ZFHX3: variants seen among roughly 807,000 people sequenced by gnomAD.
ZFHX3 encodes the protein zinc finger homeobox 3.
ZFHX3 carries 42 observed loss-of-function variants against 279.1 expected under a neutral mutation model. The ratio of observed to expected loss-of-function variants is 0.15; its 90% CI spans 0.12 to 0.19. The LOEUF is 0.19. Among genes scored for constraint, ZFHX3 ranks in the 10% least tolerant of loss-of-function variants. The pLI is 1.00. For synonymous variants in ZFHX3, 2,293 were observed against 1,957.8 expected (o/e 1.17, Z -4.52); for missense variants, 4,981 against 4,754.0 (o/e 1.05, Z -1.40).
intron 4 of ZFHX3, among the ~76,000 whole-genome samples, chr16:72,855,715 C>T (rs1463298556): frequency 1.3e-5 from 2 of 152,210 alleles, no homozygotes; most frequent in South Asian, 2.1e-4. Flanking sequence ...ATAATGCTCG[C>T]GCCAGAGAAA....
chr16:73,820,444 C>A (rs1450718502), intron 1 of ZFHX3, among the ~76,000 whole-genome samples: 1 of 152,056 alleles, frequency 6.6e-6, no homozygotes, highest in East Asian at 1.9e-4. Context: ...GGAACATTGC[C>A]TCTCAGAACC....
At chr16:73,123,126 G>C (rs1966520298) in intron 7 of ZFHX3, among the ~76,000 whole-genome samples, 1 of 150,906 alleles carries the variant, frequency 6.6e-6, no homozygotes, top group African/African-American at 2.4e-5. Context: ...TTGCTTTTCT[G>C]ACTTGGGTTA....
chr16:72,971,610 G>A (rs1207806759), intron 1 of ZFHX3, among the ~76,000 whole-genome samples: 1 of 152,146 alleles, frequency 6.6e-6, no homozygotes, highest in East Asian at 1.9e-4. Flanking sequence ...TAGAGTTGCT[G>A]ACTCAAATGC....
intron 2 of ZFHX3, among the ~76,000 whole-genome samples, chr16:73,563,170 T>TGTG (rs1491136680): frequency 3.0e-5 from 4 of 134,926 alleles, no homozygotes; most frequent in African/African-American, 1.2e-4. Context: ...TTTTGTTTTG[T>TGTG]TGTGTGTGTG....
intron 5 of ZFHX3, among the ~76,000 whole-genome samples, chr16:73,182,940 C>T (rs2144880447): frequency 6.6e-6 from 1 of 152,304 alleles, no homozygotes; most frequent in Middle Eastern, 3.4e-3. Flanking sequence ...CGTGGTGGCT[C>T]ACGCCTGTAA....
intron 1 of ZFHX3, chr16:73,812,731 G>A (rs1218163587): frequency 6.6e-6 from 1 of 152,206 alleles, no homozygotes; most frequent in Admixed American, 6.5e-5. Flanking sequence ...CAGAAAAACA[G>A]CTCAATAGAT....
chr16:73,445,363 T>G (rs907508660), intron 3 of ZFHX3, among the ~76,000 whole-genome samples: 3 of 151,770 alleles, frequency 2.0e-5, no homozygotes, highest in African/African-American at 7.3e-5. Context: ...TTTCCCAGTT[T>G]TATTGACCAA....
intron 3 of ZFHX3, among the ~76,000 whole-genome samples, chr16:73,368,106 A>T (rs1022890835): frequency 3.3e-5 from 5 of 152,104 alleles, no homozygotes; most frequent in African/African-American, 1.2e-4. Context: ...CCTGACCTCA[A>T]GTGATCCACC....
chr16:73,549,764 A>C (rs1170137615), intron 2 of ZFHX3, among the ~76,000 whole-genome samples: 1 of 152,174 alleles, frequency 6.6e-6, no homozygotes, highest in Non-Finnish European at 1.5e-5. Context: ...CTTAAATCTG[A>C]GCAGAAAATA....
At chr16:73,606,369 C>T (rs1278564193) in intron 2 of ZFHX3, among the ~76,000 whole-genome samples, 3 of 151,292 alleles carry the variant, frequency 2.0e-5, no homozygotes, top group African/African-American at 7.3e-5. Flanking sequence ...ACCTGTAATC[C>T]CAGCTACTCA....
intron 4 of ZFHX3, among the ~76,000 whole-genome samples, chr16:73,260,694 T>G (rs2013797947): frequency 7.1e-6 from 1 of 140,288 alleles, no homozygotes; most frequent in Non-Finnish European, 1.5e-5. Flanking sequence ...TTTTTTTTTT[T>G]TTTTTTTTTT....
intron 3 of ZFHX3, among the ~76,000 whole-genome samples, chr16:73,368,431 C>T (rs4888152): frequency 0.74 from 111,865 of 152,084 alleles, 43,996 homozygotes; most frequent in Non-Finnish European, 0.9. Flanking sequence ...GTGGTGAGCT[C>T]TTTTTCTAGG....
chr16:73,510,477 A>G (rs765165694), intron 2 of ZFHX3, among the ~76,000 whole-genome samples: 1 of 152,220 alleles, frequency 6.6e-6, no homozygotes, highest in Non-Finnish European at 1.5e-5. Context: ...ATCAAATCAC[A>G]TATCCTAATT....
chr16:73,534,758 T>C (rs904241407), intron 2 of ZFHX3, among the ~76,000 whole-genome samples: 2 of 152,170 alleles, frequency 1.3e-5, no homozygotes, highest in Non-Finnish European at 1.5e-5. Context: ...AGTTGCCAAA[T>C]TGTGTGTCTG....
rs2015323328 is a variant in ZFHX3, at chr16:73,311,453, G to GGTGTC, written c.-1194+6786_-1194+6787insGACAC. On this transcript the variant is annotated intron_variant, in intron 4 of 17. Coordinates refer to the ZFHX3 transcript ENST00000641206. ...CTACTAAAAATACAAAAATTAGCCA[G>GGTGTC]GTGGCAGACGCTTGTAATCCCAGCT... 5.1e-4 allele frequency among the ~76,000 whole-genome samples: 4 copies of GGTGTC among 7,882 alleles called. No individual in the cohort carries two copies. The South Asian group carries it at 0.011, about 21-fold the overall frequency. The allele number at this position is 7,882 out of a possible 152,430, so 5.2% of individuals were successfully genotyped here. A position where few individuals can be genotyped will look rare whatever the true frequency, so the allele number is the denominator to read the frequency against.
At chr16:73,715,092 G>A (rs558845527) in intron 1 of ZFHX3, among the ~76,000 whole-genome samples, 5 of 152,044 alleles carry the variant, frequency 3.3e-5, no homozygotes, top group African/African-American at 1.2e-4. Context: ...CTGCCTGCTC[G>A]GGTCAAGCTG....
Position 73,780,111 on chromosome 16 carries a change from A to AT in ZFHX3, c.-1607-99872dup, listed in dbSNP as rs762134796. Among the ~76,000 whole-genome samples, 18 of 33,168 alleles carry AT rather than the reference A, an allele frequency of 5.4e-4. 9 individuals are homozygous for AT. The highest frequency in any genetic ancestry group is 3.9e-3 in the East Asian group (4 of 1,018). 21.8% of individuals were successfully genotyped at this position (33,168 alleles called of 152,430 possible). A position where few individuals can be genotyped will look rare whatever the true frequency, so the allele number is the denominator to read the frequency against. ...AACCAGCAAAACTCACTGCATTTGA[A>AT]TTTTTTTTTTTTTTTTTTTTTTTTT... On this transcript the variant is annotated intron_variant, in intron 1 of 17. Coordinates refer to the ZFHX3 transcript ENST00000641206.
At position 72,786,368 on chromosome 16, in the gene ZFHX3, T is replaced by C. The variant is rs991634953; in HGVS notation, c.*796A>G. ...AGAAAGTCAGTTTTTAAAACTTATT[T>C]TTTTTAAGCTACAAGTCCTCAACAC... is the stretch of plus-strand genomic sequence containing the variant. On this transcript the variant is annotated 3_prime_UTR_variant, in exon 10 of 10. Coordinates refer to ENST00000268489, the MANE Select transcript of ZFHX3 (RefSeq NM_006885.4). 4 of 152,388 alleles carry C rather than the reference T, an allele frequency of 2.6e-5. No homozygotes were observed. The highest frequency in any genetic ancestry group is 2.0e-4 in the Admixed American group (3 of 15,262). The allele number at this position is 152,388 out of a possible 1,614,324, so 9.4% of individuals were successfully genotyped here. A position where few individuals can be genotyped will look rare whatever the true frequency, so the allele number is the denominator to read the frequency against.
At chr16:73,134,230 T>G (rs1966746670) in intron 6 of ZFHX3, among the ~76,000 whole-genome samples, 1 of 151,874 alleles carries the variant, frequency 6.6e-6, no homozygotes, top group African/African-American at 2.4e-5. Flanking sequence ...ACAACTCAGA[T>G]GACCTCAATG....
Sources: allele counts gnomAD v4.1 joint callset (sites outside exome capture counted in the v4.1 genomes callset), GRCh38; gene constraint gnomAD v4.1.1; transcripts MANE v1.5; gene names NCBI Gene and HGNC (gene_info 2026-07-23, HGNC 2026-07-21).